The following SYCP1 variants were observed in gnomAD, a reference collection of about 807,000 sequenced individuals.
The protein encoded by SYCP1 is cancer/testis antigen 8.
In SYCP1, 64 loss-of-function variants were observed where a neutral mutation model predicts 153.1. The observed-to-expected ratio is 0.42, with a 90% CI of 0.34 to 0.51. The LOEUF is 0.51. Among genes scored for constraint, SYCP1 ranks in the 20% least tolerant of loss-of-function variants. The pLI is 0.06. For missense variants in SYCP1, 997 were observed against 1,049.0 expected (o/e 0.95, Z 0.68); for synonymous variants, 384 against 341.8 (o/e 1.12, Z -1.36).
intron 9 of SYCP1, among the ~76,000 whole-genome samples, chr1:114,875,511 G>A (rs936468423): frequency 6.6e-6 from 1 of 151,840 alleles, no homozygotes; most frequent in Admixed American, 6.6e-5. Flanking sequence ...CGCCCGCCTC[G>A]GCCTCCCAAA....
chr1:114,943,703 G>A (rs1387700297), intron 23 of SYCP1, among the ~76,000 whole-genome samples: 9 of 151,752 alleles, frequency 5.9e-5, no homozygotes, highest in East Asian at 1.9e-4. Flanking sequence ...TTTTAAAGTC[G>A]ATGATTGACT....
chr1:114,981,517 G>A lies in SYCP1; in HGVS notation c.2559+5G>A. ...TTATCTACACCATTGCCAAAGGTTT[G>A]TGTCTAAATTTTCCATGTTAGTAGT... On this transcript the variant is annotated splice_donor_5th_base_variant and intron_variant, in intron 29 of 31. Coordinates refer to ENST00000369522, the MANE Select transcript of SYCP1 (RefSeq NM_003176.4). The A allele has an allele frequency of 1.9e-6, 3 of 1,575,264 alleles. No homozygotes were observed. The South Asian group carries it at 3.6e-5, about 19-fold the overall frequency.
At chr1:114,965,782 A>T (rs1225578692) in intron 27 of SYCP1, among the ~76,000 whole-genome samples, 1 of 152,186 alleles carries the variant, frequency 6.6e-6, no homozygotes, top group African/African-American at 2.4e-5. Context: ...ATCGATGTTC[A>T]TCAGGGATAT....
chr1:114,882,808 C>G (rs360642), intron 12 of SYCP1, among the ~76,000 whole-genome samples: 76,470 of 151,900 alleles, frequency 0.5, 20,124 homozygotes, highest in Non-Finnish European at 0.59. Flanking sequence ...GCAGCTTGAA[C>G]GCTTGGGGTG....
intron 8 of SYCP1, among the ~76,000 whole-genome samples, chr1:114,872,029 A>G (rs1489582291): frequency 4.6e-5 from 5 of 107,806 alleles, no homozygotes; most frequent in African/African-American, 1.4e-4. Context: ...TTTGGCAGAG[A>G]TGGGGTCTTG....
intron 20 of SYCP1, among the ~76,000 whole-genome samples, chr1:114,914,404 T>C (rs913705697): frequency 2.6e-5 from 4 of 151,550 alleles, no homozygotes; most frequent in South Asian, 2.1e-4. Flanking sequence ...ACCCACTCTA[T>C]ATTTTTTTTT....
intron 27 of SYCP1, among the ~76,000 whole-genome samples, chr1:114,975,915 T>G (rs1672767399): frequency 6.6e-6 from 1 of 151,740 alleles, no homozygotes; most frequent in African/African-American, 2.4e-5. Context: ...TTCCTTTTAT[T>G]GAGTTTGTTC....
In SYCP1 at chr1:114,984,876, T is replaced by A; in HGVS notation, c.2703+8T>A. ...GAAACTACTGATCTTTTGGTAAAAA[T>A]TTTACAAATAATATTTAGTATTTAT... On this transcript the variant is annotated splice_region_variant and intron_variant, in intron 30 of 31. Coordinates refer to ENST00000369522, the MANE Select transcript of SYCP1 (RefSeq NM_003176.4). 1 of 1,295,066 alleles carries A rather than the reference T, an allele frequency of 7.7e-7. No homozygotes were observed. The highest frequency in any genetic ancestry group is 1.5e-5 in the African/African-American group (1 of 64,952). The allele number at this position is 1,295,066 out of a possible 1,614,324, so 80.2% of individuals were successfully genotyped here.
intron 30 of SYCP1, among the ~76,000 whole-genome samples, chr1:114,988,945 G>T (rs1673722369): frequency 2.0e-5 from 3 of 151,928 alleles, no homozygotes; most frequent in Non-Finnish European, 4.4e-5. Context: ...ATTTTGGGAG[G>T]CTGAGGCAGG....
At chr1:114,971,581 C>T (rs1193265808) in intron 27 of SYCP1, among the ~76,000 whole-genome samples, 6 of 152,106 alleles carry the variant, frequency 3.9e-5, no homozygotes, top group South Asian at 4.1e-4. Context: ...CTGTCATATA[C>T]GGCTTTTATT....
intron 16 of SYCP1, among the ~76,000 whole-genome samples, chr1:114,901,548 C>G (rs36086840): frequency 6.6e-6 from 1 of 152,116 alleles, no homozygotes; most frequent in Admixed American, 6.5e-5. Context: ...GACTCATTCG[C>G]TAAGCTAGGA....
At chr1:114,856,525 T>C (rs1663951224) in intron 2 of SYCP1, 48 bp from the exon 3 acceptor site, 1 of 1,333,866 alleles carries the variant, frequency 7.5e-7, no homozygotes, top group Non-Finnish European at 1.1e-6. Flanking sequence ...TATTAGTATA[T>C]CAGAGTGGTA....
At chr1:114,971,527 CA>C (rs1184701792) in intron 27 of SYCP1, among the ~76,000 whole-genome samples, 1 of 152,116 alleles carries the variant, frequency 6.6e-6, no homozygotes, top group Non-Finnish European at 1.5e-5. Context: ...CTTGCTCCAG[CA>C]GCTTTCAGTA....
intron 27 of SYCP1, among the ~76,000 whole-genome samples, chr1:114,949,205 T>C (rs917933462): frequency 1.3e-5 from 2 of 152,144 alleles, no homozygotes; most frequent in African/African-American, 4.8e-5. Flanking sequence ...CTGACATACA[T>C]TGCATGATCA....
intron 27 of SYCP1, among the ~76,000 whole-genome samples, chr1:114,957,923 C>T (rs1193330852): frequency 6.6e-6 from 1 of 152,100 alleles, no homozygotes; most frequent in Admixed American, 6.5e-5. Context: ...CCCAGCAATC[C>T]CATTACTGAG....
chr1:114,897,535 A>G (rs759958943), intron 16 of SYCP1, among the ~76,000 whole-genome samples: 3 of 152,128 alleles, frequency 2.0e-5, no homozygotes, highest in Non-Finnish European at 4.4e-5. Context: ...CCTGAGCCCA[A>G]TCCTAAGCTG....
intron 8 of SYCP1, among the ~76,000 whole-genome samples, chr1:114,864,776 C>A (rs1664623054): frequency 6.6e-6 from 1 of 152,198 alleles, no homozygotes; most frequent in African/African-American, 2.4e-5. Flanking sequence ...GTGTCAGCCA[C>A]TGCCCTGGCC....
Position 114,885,560 on chromosome 1 carries a change from A to G in SYCP1, c.936A>G (p.Gln312=). Residue 312 remains glutamine, a synonymous_variant, in exon 13 of 32, where the codon CAA becomes CAG. Coordinates refer to ENST00000369522, the MANE Select transcript of SYCP1 (RefSeq NM_003176.4). ...KTKLQSENLK[Q]SIEKQHHLTK... is the part of the protein sequence containing the mutation. The stretch of plus-strand genomic sequence containing the variant: ...AATTACAGAGTGAAAACTTAAAACA[A>G]TCAATTGAGAAACAGCATCATTTGA... The G allele has an allele frequency of 6.3e-7, 1 of 1,579,038 alleles. No individual in the cohort carries two copies. The highest frequency in any genetic ancestry group is 8.6e-7 in the Non-Finnish European group (1 of 1,158,876).
chr1:114,959,955 G>GT (rs1292232532), intron 27 of SYCP1, among the ~76,000 whole-genome samples: 16 of 152,204 alleles, frequency 1.1e-4, no homozygotes, highest in African/African-American at 3.6e-4. Context: ...AGTTCAGGGT[G>GT]TGTATGCACC....
Sources: allele counts gnomAD v4.1 joint callset (sites outside exome capture counted in the v4.1 genomes callset), GRCh38; gene constraint gnomAD v4.1.1; transcripts MANE v1.5; gene names NCBI Gene and HGNC (gene_info 2026-07-23, HGNC 2026-07-21).